The following PGM5 variants were observed in gnomAD, a reference collection of about 807,000 sequenced individuals.
The protein encoded by PGM5 is phosphoglucomutase-like protein 5.
Under a neutral mutation model 59.2 loss-of-function variants are expected in PGM5, and 23 were observed. The ratio of observed to expected loss-of-function variants is 0.39; its 90% CI spans 0.28 to 0.55. The LOEUF (loss-of-function observed/expected upper bound fraction) is 0.55, where lower values mean the gene tolerates loss of function less well. PGM5 is among the 20% of genes least tolerant of loss of function. The pLI, the probability that PGM5 is intolerant of heterozygous loss-of-function variation, is 0.66. For synonymous variants in PGM5, 214 were observed against 286.0 expected, an observed-to-expected ratio of 0.75 and a Z score of 2.54; for missense variants, 574 against 748.3, an observed-to-expected ratio of 0.77 and a Z score of 2.72.
At chr9:68,425,387 T>C (rs1185576157) in intron 6 of PGM5, among the ~76,000 whole-genome samples, 2 of 152,010 alleles carry the variant, frequency 1.3e-5, no homozygotes, top group Non-Finnish European at 2.9e-5. Context: ...AGGATTAGAG[T>C]AGAGGAGATT....
At chr9:68,460,542 C>T (rs759887676) in intron 6 of PGM5, among the ~76,000 whole-genome samples, 120 of 152,300 alleles carry the variant, frequency 7.9e-4, no homozygotes, top group Non-Finnish European at 1.1e-3. Flanking sequence ...GCCTTTGCCA[C>T]ATCCTGATAG....
chr9:68,405,510 A>T, intron 6 of PGM5: 1 of 152,456 alleles, frequency 6.6e-6, no homozygotes, highest in African/African-American at 2.4e-5. Context: ...GTGGTATTCA[A>T]ATTGGAACAG....
chr9:68,506,657 G>A (rs1269673871), intron 10 of PGM5, among the ~76,000 whole-genome samples: 1 of 152,162 alleles, frequency 6.6e-6, no homozygotes, highest in Non-Finnish European at 1.5e-5. Flanking sequence ...GATCTAGAGT[G>A]AGTAGTCAAA....
intron 2 of PGM5, among the ~76,000 whole-genome samples, chr9:68,380,299 G>C (rs1554678216): frequency 6.6e-6 from 1 of 151,862 alleles, no homozygotes; most frequent in Non-Finnish European, 1.5e-5. Flanking sequence ...GAGGAATCTT[G>C]GAAAATTTAC....
chr9:68,504,054 G>A (rs1824619285), intron 10 of PGM5, among the ~76,000 whole-genome samples: 1 of 152,182 alleles, frequency 6.6e-6, no homozygotes, highest in Admixed American at 6.5e-5. Flanking sequence ...AAAGAGCTAG[G>A]TGAACTGTGA....
intron 6 of PGM5, among the ~76,000 whole-genome samples, chr9:68,403,790 G>A (rs1279019222): frequency 6.6e-6 from 1 of 152,116 alleles, no homozygotes; most frequent in African/African-American, 2.4e-5. Context: ...GTAGGGGTGG[G>A]GGTAGGGAGA....
chr9:68,434,787 C>CG (rs1554683276), intron 6 of PGM5, among the ~76,000 whole-genome samples: 1 of 137,626 alleles, frequency 7.3e-6, no homozygotes, highest in East Asian at 2.1e-4. Context: ...GACTCCATCT[C>CG]AAAAAAAAAA....
At chr9:68,424,817 G>A (rs1378985596) in intron 6 of PGM5, among the ~76,000 whole-genome samples, 2 of 152,142 alleles carry the variant, frequency 1.3e-5, no homozygotes, top group Non-Finnish European at 2.9e-5. Context: ...ATGTCTCTTA[G>A]GGGACTAGTG....
At chr9:68,517,470 C>T (rs1348403781) in intron 10 of PGM5, among the ~76,000 whole-genome samples, 1 of 152,134 alleles carries the variant, frequency 6.6e-6, no homozygotes, top group Non-Finnish European at 1.5e-5. Flanking sequence ...ATTTCACTGC[C>T]TCTAGTGTAC....
chr9:68,483,712 T>G (rs937438856), intron 8 of PGM5, among the ~76,000 whole-genome samples, 153 bp from the exon 9 acceptor site: 3 of 152,196 alleles, frequency 2.0e-5, no homozygotes, highest in Non-Finnish European at 2.9e-5. Flanking sequence ...GGGAATGGAC[T>G]GTAAGGGTCA....
intron 1 of PGM5, among the ~76,000 whole-genome samples, chr9:68,368,976 G>A (rs1259019892): frequency 6.6e-6 from 1 of 152,272 alleles, no homozygotes; most frequent in African/African-American, 2.4e-5. Flanking sequence ...TACAGTGTGG[G>A]TTTAGTCCTC....
At chr9:68,449,037 AG>A (rs1379082622) in intron 6 of PGM5, among the ~76,000 whole-genome samples, 1 of 152,194 alleles carries the variant, frequency 6.6e-6, no homozygotes, top group African/African-American at 2.4e-5. Flanking sequence ...CAGCAGATTC[AG>A]TGTGTTGCAA....
In PGM5 at chr9:68,465,234, T is replaced by C. The variant is rs368106831; in HGVS notation, c.1159+26T>C. The C allele has an allele frequency of 4.2e-5, 60 of 1,422,624 alleles. No individual in the cohort carries two copies. The African/African-American group carries it at 7.3e-4, about 17-fold the overall frequency. 88.1% of individuals were successfully genotyped at this position (1,422,624 alleles called of 1,614,324 possible). On this transcript the variant is annotated intron_variant, in intron 7 of 10. Transcript: ENST00000396396. ...GTAGGCTTTGTTGGGTTGATATTAC[T>C]GGGGAGGGCGGCTGCAGCCTTTTGT...
chr9:68,376,803 TTC>T (rs1183835584), intron 1 of PGM5, among the ~76,000 whole-genome samples: 48 of 116,366 alleles, frequency 4.1e-4, no homozygotes, highest in Non-Finnish European at 6.8e-4. Context: ...CTTTCTTTCT[TTC>T]TTTCTTTCTT....
chr9:68,499,495 G>C (rs909337769), intron 10 of PGM5, 134 bp downstream of exon 10: 30 of 896,958 alleles, frequency 3.3e-5, no homozygotes, highest in Non-Finnish European at 5.0e-5. Context: ...GACAAGCTCA[G>C]GGCAACTCCA....
At chr9:68,466,220 C>T (rs1280621501) in intron 7 of PGM5, 1 of 1,270,638 alleles carries the variant, frequency 7.9e-7, no homozygotes, top group Non-Finnish European at 1.0e-6. Context: ...TAGCTGTGTC[C>T]AATCTGCTGA....
At chr9:68,467,097 T>C (rs1038019408) in intron 7 of PGM5, among the ~76,000 whole-genome samples, 1 of 152,314 alleles carries the variant, frequency 6.6e-6, no homozygotes, top group African/African-American at 2.4e-5. Flanking sequence ...TGTCTCCCAG[T>C]GACAGCTGAT....
intron 1 of PGM5, among the ~76,000 whole-genome samples, chr9:68,358,057 A>G (rs1304792094): frequency 6.6e-6 from 1 of 152,026 alleles, no homozygotes; most frequent in African/African-American, 2.4e-5. Context: ...TTATTTAATT[A>G]GGGTAGGGAT....
chr9:68,474,848 C>A (rs1265545036), intron 7 of PGM5, among the ~76,000 whole-genome samples: 1 of 150,406 alleles, frequency 6.6e-6, no homozygotes, highest in Non-Finnish European at 1.5e-5. Context: ...AAGACACTCA[C>A]TCTCAAGCCA....
Sources: gnomAD v4.1 joint callset for allele counts (sites outside exome capture counted in the v4.1 genomes callset) on GRCh38, gnomAD v4.1.1 for gene constraint, MANE v1.5 for transcripts, NCBI Gene and HGNC (gene_info 2026-07-23, HGNC 2026-07-21) for gene names.